CLIP1: variants seen among roughly 807,000 people sequenced by gnomAD.
CLIP1 encodes the protein CAP-Gly domain-containing linker protein 1.
CLIP1 carries 66 observed loss-of-function variants against 161.6 expected under a neutral mutation model. The ratio of observed to expected loss-of-function variants is 0.41; its 90% CI spans 0.33 to 0.50. CLIP1 has a LOEUF of 0.50. CLIP1 is among the 20% of genes least tolerant of loss of function. The pLI is 0.27. For synonymous variants in CLIP1, 598 were observed against 626.2 expected, an observed-to-expected ratio of 0.96 and a Z score of 0.67; for missense variants, 1,376 against 1,702.0, an observed-to-expected ratio of 0.81 and a Z score of 3.37.
chr12:122,332,920 C>T (rs1018722142), intron 15 of CLIP1, 67 bp downstream of exon 15: 47 of 1,313,444 alleles, frequency 3.6e-5, no homozygotes, highest in Admixed American at 2.7e-4. Context: ...TTTTGTCTCC[C>T]CTCCCACCTA....
At chr12:122,308,654 G>A (rs1349277955) in intron 20 of CLIP1, among the ~76,000 whole-genome samples, 1 of 152,142 alleles carries the variant, frequency 6.6e-6, no homozygotes, top group Non-Finnish European at 1.5e-5. Flanking sequence ...TAATAATAGT[G>A]CTATTGCTTA....
chr12:122,337,009 C>G (rs1052442757), intron 11 of CLIP1, among the ~76,000 whole-genome samples: 3 of 150,884 alleles, frequency 2.0e-5, no homozygotes, highest in Non-Finnish European at 4.4e-5. Flanking sequence ...TCCCCTGTCA[C>G]CCAGGCTAGA....
At chr12:122,422,133 G>C (rs951703728) in intron 1 of CLIP1, among the ~76,000 whole-genome samples, 4 of 152,232 alleles carry the variant, frequency 2.6e-5, no homozygotes, top group African/African-American at 9.6e-5. Context: ...GGCCTCCCGG[G>C]GTCCGGCCGA....
chr12:122,383,555 C>T (rs531137038), intron 1 of CLIP1, among the ~76,000 whole-genome samples: 12 of 152,270 alleles, frequency 7.9e-5, no homozygotes, highest in South Asian at 4.1e-4. Context: ...AATCCTAACG[C>T]GGAGAACTGT....
chr12:122,327,889 G>A, intron 17 of CLIP1, 58 bp downstream of exon 17: 3 of 1,535,910 alleles, frequency 2.0e-6, no homozygotes, highest in Admixed American at 1.7e-5. Flanking sequence ...CACCCTTCCT[G>A]CCTCGACACA....
At chr12:122,419,553 G>C (rs1324751329) in intron 1 of CLIP1, among the ~76,000 whole-genome samples, 1 of 151,944 alleles carries the variant, frequency 6.6e-6, no homozygotes, top group Admixed American at 6.6e-5. Context: ...AAGGTTCAAA[G>C]GTGCCTACCT....
intron 1 of CLIP1, among the ~76,000 whole-genome samples, chr12:122,388,221 A>AT (rs202147907): frequency 0.11 from 15,811 of 143,160 alleles, 2,730 homozygotes; most frequent in African/African-American, 0.37. Flanking sequence ...TAGGCCAGCT[A>AT]TTTTTTTTTT....
At chr12:122,360,083 G>A (rs1439121526) in intron 5 of CLIP1, among the ~76,000 whole-genome samples, 2 of 152,128 alleles carry the variant, frequency 1.3e-5, no homozygotes, top group Admixed American at 1.3e-4. Context: ...AGAAGAAGAG[G>A]AAAGAAGAGA....
chr12:122,334,769 TATCA>T (rs1356761468), intron 12 of CLIP1, 64 bp from the exon 13 acceptor site: 4 of 1,027,654 alleles, frequency 3.9e-6, no homozygotes, highest in Admixed American at 4.1e-5. Context: ...AAGAAGTTTC[TATCA>T]ATTATAACTA....
At chr12:122,292,255 G>T (rs181055447) in intron 20 of CLIP1, among the ~76,000 whole-genome samples, 79 of 151,678 alleles carry the variant, frequency 5.2e-4, no homozygotes, top group African/African-American at 1.9e-3. Flanking sequence ...TGCCCATCTT[G>T]GCCTCCCAAA....
chr12:122,369,604 T>G (rs1954334996), intron 3 of CLIP1, among the ~76,000 whole-genome samples: 1 of 151,680 alleles, frequency 6.6e-6, no homozygotes. Context: ...TCATGGAGGT[T>G]AAATTCTGGG....
chr12:122,373,887 A>G (rs1023568103), intron 3 of CLIP1, among the ~76,000 whole-genome samples: 10 of 152,214 alleles, frequency 6.6e-5, no homozygotes, highest in Non-Finnish European at 1.5e-4. Flanking sequence ...CATATTATAG[A>G]CAAACCTCAC....
At chr12:122,391,543 G>A (rs1283535270) in intron 1 of CLIP1, among the ~76,000 whole-genome samples, 5 of 152,202 alleles carry the variant, frequency 3.3e-5, no homozygotes, top group African/African-American at 1.2e-4. Context: ...CTGAGATCGC[G>A]CCATCGTACT....
At chr12:122,410,198 C>T (rs1264871366) in intron 1 of CLIP1, among the ~76,000 whole-genome samples, 1 of 151,854 alleles carries the variant, frequency 6.6e-6, no homozygotes, top group Non-Finnish European at 1.5e-5. Context: ...ATCTGCAATC[C>T]ATTAACAGCT....
rs149237045 is a variant in CLIP1 at position 122,388,704 on chromosome 12, G to A, written c.-106-8146C>T. Among the ~76,000 whole-genome samples the A allele has an allele frequency of 3.4e-4, 52 of 152,226 alleles. No homozygotes were observed. In the East Asian group the frequency reaches 8.5e-3, roughly 25 times the overall value. ...GAACCCCAACCTCCTGAGTAGCTGG[G>A]ACTACAGGCGTGTGCGACCAAGTCC... is the stretch of plus-strand genomic sequence containing the variant. On this transcript the variant is annotated intron_variant, in intron 1 of 25. Transcript: ENST00000620786.
At chr12:122,328,532 T>C (rs746474675) in intron 15 of CLIP1, 106 bp from the exon 16 acceptor site, 9 of 664,896 alleles carry the variant, frequency 1.4e-5, no homozygotes, top group Non-Finnish European at 2.0e-5. Flanking sequence ...TCAAAAGTTA[T>C]GTGTAATTAA....
intron 1 of CLIP1, among the ~76,000 whole-genome samples, chr12:122,390,671 C>T (rs2136968854): frequency 6.6e-6 from 1 of 151,844 alleles, no homozygotes; most frequent in Non-Finnish European, 1.5e-5. Context: ...ACAAAATATA[C>T]CTACACATTA....
chr12:122,325,355 G>A lies in CLIP1; in HGVS notation c.3249+2592C>T, dbSNP rs562542502. 2.0e-5 allele frequency among the ~76,000 whole-genome samples: 3 copies of A among 152,270 alleles called. No individual in the cohort carries two copies. The East Asian group carries it at 5.8e-4, about 29-fold the overall frequency. ...TTACAGGCATGAGCCACCACGCCCA[G>A]CTGATATAAATGTTCTTATTTGCAC... On this transcript the variant is annotated intron_variant, in intron 17 of 25. Transcript: ENST00000620786.
At chr12:122,402,464 C>A (rs1055452443) in intron 1 of CLIP1, among the ~76,000 whole-genome samples, 8 of 152,136 alleles carry the variant, frequency 5.3e-5, no homozygotes, top group Non-Finnish European at 1.0e-4. Flanking sequence ...TGCACTCCAG[C>A]CTGGGCAACA....
Sources: allele counts gnomAD v4.1 joint callset (sites outside exome capture counted in the v4.1 genomes callset), GRCh38; gene constraint gnomAD v4.1.1; transcripts MANE v1.5; gene names NCBI Gene and HGNC (gene_info 2026-07-23, HGNC 2026-07-21).